DDIAS: variants seen among roughly 807,000 people sequenced by gnomAD.
DDIAS encodes the protein DNA damage-induced apoptosis suppressor protein.
Under a neutral mutation model 15.7 loss-of-function variants are expected in DDIAS, and 14 were observed. The ratio of observed to expected loss-of-function variants is 0.89; its 90% confidence interval spans 0.59 to 1.39. The LOEUF is 1.39. Ranked by LOEUF, DDIAS falls within the 40% of genes most tolerant of loss-of-function variation. The pLI, the probability that DDIAS is intolerant of heterozygous loss-of-function variation, is 0.00. For missense variants in DDIAS, 1,035 were observed against 1,130.9 expected (o/e 0.92, Z 1.22); for synonymous variants, 355 against 395.9 (o/e 0.90, Z 1.23).
chr11:82,910,446 T>G (rs1307012047), intron 1 of DDIAS, among the ~76,000 whole-genome samples: 1 of 151,772 alleles, frequency 6.6e-6, no homozygotes, highest in South Asian at 2.1e-4. Context: ...ATTTTGTATA[T>G]TTTTGATAGA....
chr11:82,932,689 A>G lies in DDIAS; in HGVS notation c.1351A>G (p.Ile451Val), dbSNP rs1861022610. 7 of 1,613,976 alleles carry G rather than the reference A, an allele frequency of 4.3e-6. No individual in the cohort carries two copies. The highest frequency in any genetic ancestry group is 1.3e-5 in the African/African-American group (1 of 74,940). Reference protein sequence around the residue: ...SSRKHHVDNDIDKFHADHSRL... With the variant: ...SSRKHHVDNDVDKFHADHSRL... ...TAGGAAACATCATGTAGATAATGAC[A>G]TTGATAAATTTCATGCAGACCACAG... The change falls in exon 6 of 6, where the codon ATT becomes GTT. Residue 451 changes from isoleucine (I) to valine (V), a missense_variant. Transcript: ENST00000533655.
At position 82,932,586 on chromosome 11, in the gene DDIAS, G is replaced by T. The variant is rs144046635; in HGVS notation, c.1248G>T (p.Leu416=). ...GTGACCCTCAAATTTGGGATGATCT[G>T]CCATTCTCTGAAAGCCTGAACAAGT... ...QDGDPQIWDD[L]PFSESLNKFL... The change falls in exon 6 of 6, where the codon CTG becomes CTT. Residue 416 remains leucine, a synonymous_variant. Coordinates refer to ENST00000533655, the MANE Select transcript of DDIAS (RefSeq NM_145018.4). 1.5e-4 allele frequency: 246 copies of T among 1,614,014 alleles called. 1 individual carries two copies. The highest frequency in any genetic ancestry group is 2.0e-4 in the Non-Finnish European group (239 of 1,180,020).
intron 1 of DDIAS, among the ~76,000 whole-genome samples, chr11:82,910,556 C>T (rs989495648): frequency 2.7e-5 from 4 of 149,812 alleles, no homozygotes; most frequent in Non-Finnish European, 5.9e-5. Context: ...TAGGCGTGAG[C>T]TACCACACCC....
In DDIAS at chr11:82,909,639, TTTC is replaced by T. The variant is rs1265230607; in HGVS notation, c.-116-3645_-116-3643del. 5.3e-5 allele frequency among the ~76,000 whole-genome samples: 8 copies of T among 152,328 alleles called. No individual in the cohort carries two copies. In the East Asian group the frequency reaches 1.5e-3, roughly 29 times the overall value. On this transcript the variant is annotated intron_variant, in intron 1 of 5. Transcript: ENST00000533655. ...AGGTTTTAGCACTTACAATGGCAAT[TTTC>T]TTTGACCCTTCTTTCTGCCTTTCCT...
intron 3 of DDIAS, among the ~76,000 whole-genome samples, chr11:82,915,332 T>C (rs980905499): frequency 1.3e-5 from 2 of 152,222 alleles, no homozygotes; most frequent in Admixed American, 6.5e-5. Context: ...AAGCCAACTA[T>C]ACCTGAGAGC....
rs1230509637 is a variant in DDIAS at position 82,928,887 on chromosome 11, T to A, written c.224T>A (p.Phe75Tyr). 6.2e-7 allele frequency: 1 copy of A among 1,612,884 alleles called. No individual in the cohort carries two copies. The highest frequency in any genetic ancestry group is 2.2e-5 in the East Asian group (1 of 44,796). ...AACAAATTGTTTGTTATTACTGTAT[T>A]TGGAAGTTGCTTAGATACATTTTTT... is the stretch of plus-strand genomic sequence containing the variant. ...ESNKLFVITV[F>Y]GSCLDTFFGL... is the part of the protein sequence containing the mutation. The change falls in exon 4 of 6, where the codon TTT (phenylalanine) becomes TAT (tyrosine). Residue 75 changes from phenylalanine to tyrosine, a missense_variant. Phe to Tyr is a conservative substitution (Grantham distance 22). Coordinates refer to ENST00000533655, the MANE Select transcript of DDIAS (RefSeq NM_145018.4).
intron 3 of DDIAS, among the ~76,000 whole-genome samples, chr11:82,919,079 C>T (rs1860689573): frequency 2.0e-5 from 3 of 152,118 alleles, no homozygotes; most frequent in Non-Finnish European, 2.9e-5. Flanking sequence ...GATTTAGATG[C>T]CCTTTCTTTC....
chr11:82,911,384 G>A (rs1228352983), intron 1 of DDIAS, among the ~76,000 whole-genome samples: 1 of 152,172 alleles, frequency 6.6e-6, no homozygotes. Flanking sequence ...TAAATTCTTT[G>A]TTGTAATTTC....
Position 82,932,333 on chromosome 11 carries a change from T to C in DDIAS, c.995T>C (p.Ile332Thr), listed in dbSNP as rs761258199. 18 of 1,614,034 alleles carry C rather than the reference T, an allele frequency of 1.1e-5. No homozygotes were observed. The highest frequency in any genetic ancestry group is 8.8e-5 in the South Asian group (8 of 91,076). ...LSAVHSSHHE[I>T]GVNDSNLFSL... ...GCAGTTCACAGCAGTCATCATGAAATTGGAGTTAATGACTCTAATTTATTC... is the reference window on the plus strand; with the variant it reads ...GCAGTTCACAGCAGTCATCATGAAACTGGAGTTAATGACTCTAATTTATTC... Residue 332 changes from isoleucine (I) to threonine (T), a missense_variant, in exon 6 of 6, where the codon ATT (isoleucine) becomes ACT (threonine). Coordinates refer to ENST00000533655, the MANE Select transcript of DDIAS (RefSeq NM_145018.4).
chr11:82,920,286 C>A (rs1314537450), intron 3 of DDIAS, among the ~76,000 whole-genome samples: 1 of 152,064 alleles, frequency 6.6e-6, no homozygotes, highest in African/African-American at 2.4e-5. Context: ...GTTAATCTTG[C>A]TAACGGTCTA....
At chr11:82,929,959 C>A (rs2127363) in intron 4 of DDIAS, among the ~76,000 whole-genome samples, 198 bp from the exon 5 acceptor site, 82,337 of 151,836 alleles carry the variant, frequency 0.54, 23,162 homozygotes, top group African/African-American at 0.7. Context: ...TACTTTACTC[C>A]CACTTGATCA....
intron 3 of DDIAS, among the ~76,000 whole-genome samples, chr11:82,918,375 A>G (rs1860674094): frequency 6.6e-6 from 1 of 152,202 alleles, no homozygotes; most frequent in Non-Finnish European, 1.5e-5. Flanking sequence ...TTTGTCAAAG[A>G]TCAGTTGGCT....
At chr11:82,913,604 C>T (rs1170142484) in intron 2 of DDIAS, 1 of 365,514 alleles carries the variant, frequency 2.7e-6, no homozygotes, top group African/African-American at 2.2e-5. Flanking sequence ...TGACATGTAA[C>T]ATTTTGCTTT....
chr11:82,919,929 T>C (rs1434386970), intron 3 of DDIAS, among the ~76,000 whole-genome samples: 1 of 152,166 alleles, frequency 6.6e-6, no homozygotes, highest in Admixed American at 6.5e-5. Flanking sequence ...TTCACGGTGT[T>C]AGCCAGGATG....
At chr11:82,910,316 T>C (rs866527050) in intron 1 of DDIAS, among the ~76,000 whole-genome samples, 3 of 149,788 alleles carry the variant, frequency 2.0e-5, no homozygotes, top group Middle Eastern at 3.4e-3. Flanking sequence ...AGTTTCACTC[T>C]GTGGCCCAGG....
intron 1 of DDIAS, among the ~76,000 whole-genome samples, chr11:82,904,504 G>T (rs1397602793): frequency 1.3e-5 from 2 of 152,178 alleles, no homozygotes; most frequent in African/African-American, 4.8e-5. Flanking sequence ...ATGCTGTCAG[G>T]CCTTGGGGAT....
chr11:82,927,624 G>T (rs897185073), intron 3 of DDIAS, among the ~76,000 whole-genome samples: 1 of 108,510 alleles, frequency 9.2e-6, no homozygotes. Flanking sequence ...GGTGCTTGTT[G>T]TATTTCAAAA....
In DDIAS at chr11:82,932,139, T is replaced by C; in HGVS notation, c.801T>C (p.Phe267=). 4.3e-6 allele frequency: 7 copies of C among 1,614,222 alleles called. No individual in the cohort carries two copies. Among genetic ancestry groups the C allele is most frequent in the Non-Finnish European group, 5.1e-6 (6 of 1,180,032 alleles). The part of the protein sequence containing the change: ...DFSASEQSKA[F]GTLQQNRKSI... ...CAGCTTCAGAACAAAGTAAGGCCTT[T>C]GGTACTCTTCAGCAGAACAGAAAGT... The change falls in exon 6 of 6, where the codon TTT becomes TTC. Residue 267 remains phenylalanine, a synonymous_variant. Transcript: ENST00000533655.
At chr11:82,910,825 C>T (rs957975058) in intron 1 of DDIAS, among the ~76,000 whole-genome samples, 2 of 151,742 alleles carry the variant, frequency 1.3e-5, no homozygotes, top group Non-Finnish European at 2.9e-5. Context: ...CCGTGTTGCC[C>T]AGGCTGAATT....
Sources: allele counts gnomAD v4.1 joint callset (sites outside exome capture counted in the v4.1 genomes callset), GRCh38; gene constraint gnomAD v4.1.1; transcripts MANE v1.5; gene names NCBI Gene and HGNC (gene_info 2026-07-23, HGNC 2026-07-21).